The following JAZF1 variants were observed in gnomAD, a reference collection of about 807,000 sequenced individuals.
JAZF1 encodes JAZF zinc finger 1, also known as juxtaposed with another zinc finger protein 1.
JAZF1 carries 8 observed loss-of-function variants against 26.4 expected under a neutral mutation model. The observed-to-expected ratio is 0.30, with a 90% CI of 0.18 to 0.55. The LOEUF is 0.55. Ranked by LOEUF, JAZF1 falls within the 20% of genes least tolerant of loss-of-function variation. JAZF1 has a pLI of 0.94. For missense variants in JAZF1, 199 were observed against 322.0 expected (o/e 0.62, Z 2.92); for synonymous variants, 126 against 122.3 (o/e 1.03, Z -0.20).
At chr7:27,878,706 A>G (rs1051745933) in intron 3 of JAZF1, among the ~76,000 whole-genome samples, 1 of 152,214 alleles carries the variant, frequency 6.6e-6, no homozygotes, top group Non-Finnish European at 1.5e-5. Flanking sequence ...CAACTTCCAT[A>G]ATGAAGCCAT....
chr7:28,064,761 CT>C (rs1783853155), intron 1 of JAZF1, among the ~76,000 whole-genome samples: 1 of 152,098 alleles, frequency 6.6e-6, no homozygotes, highest in South Asian at 2.1e-4. Flanking sequence ...CCTCTAAAAA[CT>C]GCTCTGCTAA....
intron 4 of JAZF1, among the ~76,000 whole-genome samples, chr7:27,838,581 G>A (rs996668602): frequency 3.9e-5 from 6 of 152,164 alleles, no homozygotes; most frequent in Admixed American, 3.9e-4. Context: ...GATTCTGCCC[G>A]AGTCCACAGT....
chr7:28,050,752 A>G (rs908125300), intron 1 of JAZF1, among the ~76,000 whole-genome samples: 2 of 152,164 alleles, frequency 1.3e-5, no homozygotes, highest in African/African-American at 4.8e-5. Flanking sequence ...ACTCTCATTA[A>G]GTCATGCTTG....
At chr7:27,986,204 T>C (rs1277078674) in intron 2 of JAZF1, among the ~76,000 whole-genome samples, 1 of 152,134 alleles carries the variant, frequency 6.6e-6, no homozygotes, top group Non-Finnish European at 1.5e-5. Flanking sequence ...GATTGTATAT[T>C]TAGAAAACCC....
intron 1 of JAZF1, among the ~76,000 whole-genome samples, chr7:28,152,809 G>GT (rs1269970383): frequency 1.3e-5 from 2 of 152,276 alleles, no homozygotes; most frequent in East Asian, 3.9e-4. Context: ...AAGGTAGGAG[G>GT]TTTGAAAAGG....
chr7:28,023,933 T>A (rs1783047980), intron 1 of JAZF1, among the ~76,000 whole-genome samples: 1 of 152,064 alleles, frequency 6.6e-6, no homozygotes, highest in South Asian at 2.1e-4. Flanking sequence ...GAAAGCTTCT[T>A]AGAATAGATA....
chr7:28,142,579 T>C (rs1782973529), intron 1 of JAZF1, among the ~76,000 whole-genome samples: 3 of 152,206 alleles, frequency 2.0e-5, no homozygotes, highest in Admixed American at 6.5e-5. Context: ...TCCTTTGTCC[T>C]GCCATTTTTA....
chr7:27,870,983 G>A (rs1783570896), intron 3 of JAZF1, among the ~76,000 whole-genome samples: 1 of 152,164 alleles, frequency 6.6e-6, no homozygotes, highest in Non-Finnish European at 1.5e-5. Context: ...CTGGGTTCAT[G>A]TACCCCCAGC....
chr7:27,861,103 T>C (rs1438534829), intron 3 of JAZF1, among the ~76,000 whole-genome samples: 1 of 152,202 alleles, frequency 6.6e-6, no homozygotes, highest in Non-Finnish European at 1.5e-5. Flanking sequence ...AGTCCCTGAA[T>C]GTCTGAGGAC....
intron 2 of JAZF1, among the ~76,000 whole-genome samples, chr7:27,986,361 C>T (rs1436567053): frequency 6.6e-6 from 1 of 152,138 alleles, no homozygotes; most frequent in Non-Finnish European, 1.5e-5. Context: ...CTCCCATTCA[C>T]AATTGCTTCA....
chr7:27,854,116 A>G (rs1320176604), intron 3 of JAZF1, among the ~76,000 whole-genome samples: 1 of 152,156 alleles, frequency 6.6e-6, no homozygotes. Flanking sequence ...TCCCTTTACC[A>G]TTATGTAATG....
intron 3 of JAZF1, chr7:27,841,125 A>G: frequency 2.4e-6 from 1 of 408,314 alleles, no homozygotes; most frequent in Non-Finnish European, 4.4e-6. Flanking sequence ...GAGCAAGAAC[A>G]TTAACTCGGT....
At chr7:28,156,613 C>G (rs553670875) in intron 1 of JAZF1, among the ~76,000 whole-genome samples, 111 of 152,234 alleles carry the variant, frequency 7.3e-4, no homozygotes, top group Non-Finnish European at 1.5e-3. Context: ...ATTGAAATTA[C>G]CTGGGAATTT....
At chr7:27,895,461 C>A in intron 2 of JAZF1, 45 bp from the exon 3 acceptor site, 1 of 1,386,452 alleles carries the variant, frequency 7.2e-7, no homozygotes. Context: ...ATGTATAGAG[C>A]ATGAGGACTG....
intron 2 of JAZF1, among the ~76,000 whole-genome samples, chr7:27,917,565 A>T (rs1359750477): frequency 6.6e-6 from 1 of 152,124 alleles, no homozygotes. Flanking sequence ...ACCTGAACAC[A>T]CTTATGGCCC....
chr7:27,907,065 C>A (rs1344991598), intron 2 of JAZF1, among the ~76,000 whole-genome samples: 1 of 61,484 alleles, frequency 1.6e-5, no homozygotes, highest in African/African-American at 6.1e-5. Context: ...TGCACTAAGG[C>A]TCTTAGAGTT....
At chr7:28,001,343 C>A (rs973424368) in intron 1 of JAZF1, among the ~76,000 whole-genome samples, 4 of 151,204 alleles carry the variant, frequency 2.6e-5, no homozygotes, top group African/African-American at 7.3e-5. Flanking sequence ...CAGAGTGAGA[C>A]CCTGTCTCAA....
intron 2 of JAZF1, among the ~76,000 whole-genome samples, chr7:27,950,581 G>A (rs1680780743): frequency 6.6e-6 from 1 of 152,166 alleles, no homozygotes; most frequent in South Asian, 2.1e-4. Flanking sequence ...TAACCCTAAT[G>A]ATCTTCAACC....
At position 28,076,709 on chromosome 7, in the gene JAZF1, CAAAAAAA is replaced by C. The variant is rs34918786; in HGVS notation, c.116-84735_116-84729del. On this transcript the variant is annotated intron_variant, in intron 1 of 4. Coordinates refer to ENST00000283928, the MANE Select transcript of JAZF1 (RefSeq NM_175061.4). ...ACACAATTGCTGTCTTTCTCTCTCT[CAAAAAAA>C]AAAAAAAAAAAAAATCCCGTGTGGA... 7.2e-5 allele frequency among the ~76,000 whole-genome samples: 7 copies of C among 97,452 alleles called. No homozygotes were observed. In the South Asian group the frequency reaches 2.4e-3, roughly 33 times the overall value. 63.9% of individuals were successfully genotyped at this position (97,452 alleles called of 152,430 possible).
Sources: gnomAD v4.1 joint callset for allele counts (sites outside exome capture counted in the v4.1 genomes callset) on GRCh38, gnomAD v4.1.1 for gene constraint, MANE v1.5 for transcripts, NCBI Gene and HGNC (gene_info 2026-07-23, HGNC 2026-07-21) for gene names.